ZNF257: variants seen among roughly 807,000 people sequenced by gnomAD.
The protein encoded by ZNF257 is zinc finger protein 257, also known as bone marrow zinc finger 4.
ZNF257 carries 12 observed loss-of-function variants against 11.9 expected under a neutral mutation model. The observed-to-expected ratio is 1.01, with a 90% CI of 0.65 to 1.63. The LOEUF (loss-of-function observed/expected upper bound fraction) is 1.63, where lower values mean the gene tolerates loss of function less well. Among genes scored for constraint, ZNF257 ranks in the 40% most tolerant of loss-of-function variants. The pLI, the probability that ZNF257 is intolerant of heterozygous loss-of-function variation, is 0.00. For missense variants in ZNF257, 580 were observed against 665.5 expected, an observed-to-expected ratio of 0.87 and a Z score of 1.41; for synonymous variants, 183 against 222.7, an observed-to-expected ratio of 0.82 and a Z score of 1.59.
chr19:22,052,648 G>A lies in ZNF257; in HGVS notation c.3+13G>A, dbSNP rs1179261748. ...AAGCCTAGAAATGGTGAGAGTGCTG[G>A]GTCCGACATCCTGGGAGAGGGGAAG... On this transcript the variant is annotated intron_variant, in intron 1 of 3. Coordinates refer to ENST00000594947, the MANE Select transcript of ZNF257 (RefSeq NM_033468.4). 2 of 1,607,012 alleles carry A rather than the reference G, an allele frequency of 1.2e-6. No individual in the cohort carries two copies. Among genetic ancestry groups the A allele is most frequent in the Middle Eastern group, 1.7e-4 (1 of 6,032 alleles).
chr19:22,065,340 C>T (rs1686467158), intron 1 of ZNF257, among the ~76,000 whole-genome samples: 1 of 151,864 alleles, frequency 6.6e-6, no homozygotes, highest in South Asian at 2.1e-4. Flanking sequence ...GCTGGGATTA[C>T]AAGCACCCAC....
At chr19:22,059,750 T>G (rs1055854321) in intron 1 of ZNF257, among the ~76,000 whole-genome samples, 13 of 151,764 alleles carry the variant, frequency 8.6e-5, no homozygotes, top group African/African-American at 3.1e-4. Context: ...GAAGAAAGGG[T>G]CTTACTCTTT....
intron 3 of ZNF257, among the ~76,000 whole-genome samples, chr19:22,073,805 G>A (rs749704406): frequency 6.6e-6 from 1 of 152,002 alleles, no homozygotes; most frequent in Non-Finnish European, 1.5e-5. Context: ...TTTACAGTGA[G>A]AGCCAAAGTC....
At chr19:22,070,786 G>A (rs2022085529) in intron 1 of ZNF257, among the ~76,000 whole-genome samples, 1 of 152,094 alleles carries the variant, frequency 6.6e-6, no homozygotes. Flanking sequence ...CAGGGGACTT[G>A]TTTAAAACAT....
chr19:22,071,239 A>C (rs2022095513), intron 1 of ZNF257, among the ~76,000 whole-genome samples: 1 of 152,144 alleles, frequency 6.6e-6, no homozygotes, highest in African/African-American at 2.4e-5. Flanking sequence ...CTGAGGACAG[A>C]AAAGAAGAAA....
At position 22,088,703 on chromosome 19, in the gene ZNF257, G is replaced by A. The variant is rs1372704358; in HGVS notation, c.953G>A (p.Cys318Tyr). The A allele has an allele frequency of 3.1e-6, 5 of 1,613,028 alleles. No homozygotes were observed. In the South Asian group the frequency reaches 3.3e-5, roughly 11 times the overall value. The change falls in exon 4 of 4, where the codon TGT becomes TAT. Residue 318 changes from cysteine (C) to tyrosine (Y), a missense_variant. By Grantham distance (194) the Cys-to-Tyr change is radical. Transcript: ENST00000594947. Reference protein sequence around the residue: ...RIHTGEKPYKCEECGKAFNQS... With the variant: ...RIHTGEKPYKYEECGKAFNQS... ...CATACTGGAGAGAAACCCTACAAAT[G>A]TGAAGAGTGTGGCAAAGCCTTTAAC...
intron 3 of ZNF257, among the ~76,000 whole-genome samples, chr19:22,078,590 CT>C (rs1403523979): frequency 6.6e-6 from 1 of 152,010 alleles, no homozygotes; most frequent in East Asian, 1.9e-4. Context: ...TTAAATTTTT[CT>C]GTTATTTTCT....
chr19:22,080,329 G>A (rs2022329392), intron 3 of ZNF257, among the ~76,000 whole-genome samples: 1 of 152,114 alleles, frequency 6.6e-6, no homozygotes, highest in South Asian at 2.1e-4. Flanking sequence ...TTTGGTTTGT[G>A]AGGAAAAATT....
At position 22,089,668 on chromosome 19, in the gene ZNF257, T is replaced by C. The variant is rs973758510; in HGVS notation, c.*226T>C. The C allele has an allele frequency of 3.6e-6, 4 of 1,124,560 alleles. No homozygotes were observed. Among genetic ancestry groups the C allele is most frequent in the Non-Finnish European group, 4.8e-6 (4 of 834,778 alleles). 69.7% of individuals were successfully genotyped at this position (1,124,560 alleles called of 1,614,324 possible). The stretch of plus-strand genomic sequence containing the variant: ...ATAGCCTCTTCCCAGTTCTCAACTC[T>C]TACTAAACATGAGAACACATGTGGA... On this transcript the variant is annotated 3_prime_UTR_variant, in exon 4 of 4. Coordinates refer to ENST00000594947, the MANE Select transcript of ZNF257 (RefSeq NM_033468.4).
intron 3 of ZNF257, among the ~76,000 whole-genome samples, chr19:22,084,106 C>T (rs1474625875): frequency 2.0e-5 from 3 of 150,230 alleles, no homozygotes; most frequent in African/African-American, 7.4e-5. Flanking sequence ...CGCCATCGCA[C>T]TCCAGCCTGG....
intron 3 of ZNF257, among the ~76,000 whole-genome samples, chr19:22,076,218 TTAAG>T (rs1296011005): frequency 1.3e-5 from 2 of 150,936 alleles, no homozygotes; most frequent in Admixed American, 6.6e-5. Context: ...AATTTATTCA[TTAAG>T]TATTTGTTTT....
Position 22,088,767 on chromosome 19 carries a change from T to C in ZNF257, c.1017T>C (p.Thr339=), listed in dbSNP as rs764878350. The change falls in exon 4 of 4, where the codon ACT becomes ACC. Residue 339 remains threonine, a synonymous_variant. Transcript: ENST00000594947. The part of the protein sequence containing the change: ...SALTRHKMIH[T]GEKPFQCEEC... ...TTACTCGACATAAGATGATTCATACTGGAGAGAAACCCTTCCAATGTGAAG... is the reference window on the plus strand; with the variant it reads ...TTACTCGACATAAGATGATTCATACCGGAGAGAAACCCTTCCAATGTGAAG... 6.2e-7 allele frequency: 1 copy of C among 1,612,790 alleles called. No individual in the cohort carries two copies. Among genetic ancestry groups the C allele is most frequent in the Non-Finnish European group, 8.5e-7 (1 of 1,179,658 alleles).
At chr19:22,052,835 C>A (rs1183745613) in intron 1 of ZNF257, among the ~76,000 whole-genome samples, 200 bp downstream of exon 1, 1 of 152,110 alleles carries the variant, frequency 6.6e-6, no homozygotes, top group Admixed American at 6.5e-5. Flanking sequence ...GGCGTCCTGT[C>A]TCTTCCCTGC....
chr19:22,076,595 T>A (rs75767720), intron 3 of ZNF257, among the ~76,000 whole-genome samples: 1 of 152,046 alleles, frequency 6.6e-6, no homozygotes, highest in African/African-American at 2.4e-5. Flanking sequence ...CAATTTTTTT[T>A]AATGGTACAT....
chr19:22,074,610 C>G (rs964511373), intron 3 of ZNF257: 1 of 152,070 alleles, frequency 6.6e-6, no homozygotes, highest in African/African-American at 2.4e-5. Flanking sequence ...TGTCAGCCCC[C>G]CAAAGTGTTG....
chr19:22,065,730 A>G (rs2021926763), intron 1 of ZNF257: 1 of 152,190 alleles, frequency 6.6e-6, no homozygotes, highest in Non-Finnish European at 1.5e-5. Flanking sequence ...CACAGGTGAC[A>G]TGGCCATCCA....
chr19:22,075,055 T>C (rs920727982), intron 3 of ZNF257, among the ~76,000 whole-genome samples: 61 of 152,170 alleles, frequency 4.0e-4, no homozygotes, highest in Admixed American at 2.0e-3. Context: ...TCTTCTTCCA[T>C]TGGGCCCCCA....
At position 22,087,957 on chromosome 19, in the gene ZNF257, G is replaced by A. The variant is rs767470621; in HGVS notation, c.227-20G>A. 1 of 1,462,740 alleles carries A rather than the reference G, an allele frequency of 6.8e-7. No individual in the cohort carries two copies. Among genetic ancestry groups the A allele is most frequent in the East Asian group, 2.3e-5 (1 of 43,722 alleles). 90.6% of individuals were successfully genotyped at this position (1,462,740 alleles called of 1,614,324 possible). ...CTGAGTCTAGTAAGTGGAGTAATTT[G>A]TTGTTTTTATTTCTTTTAGTTATGT... On this transcript the variant is annotated intron_variant, in intron 3 of 3. Transcript: ENST00000594947.
chr19:22,077,402 A>G (rs1013717947), intron 3 of ZNF257, among the ~76,000 whole-genome samples: 1 of 152,006 alleles, frequency 6.6e-6, no homozygotes, highest in Non-Finnish European at 1.5e-5. Context: ...ATCTTGTAAA[A>G]CTAAAACTCA....
Sources: gnomAD v4.1 joint callset for allele counts (sites outside exome capture counted in the v4.1 genomes callset) on GRCh38, gnomAD v4.1.1 for gene constraint, MANE v1.5 for transcripts, NCBI Gene and HGNC (gene_info 2026-07-23, HGNC 2026-07-21) for gene names.